SOX6: variants seen among roughly 807,000 people sequenced by gnomAD.
SOX6 encodes the protein SRY-box transcription factor 6.
In SOX6, 11 loss-of-function variants were observed where a neutral mutation model predicts 97.8. The ratio of observed to expected loss-of-function variants is 0.11; its 90% CI spans 0.07 to 0.19. The LOEUF (loss-of-function observed/expected upper bound fraction) is 0.19. Ranked by LOEUF, SOX6 falls within the 10% of genes least tolerant of loss-of-function variation. SOX6 has a pLI of 1.00. For missense variants in SOX6, 810 were observed against 1,039.5 expected, an observed-to-expected ratio of 0.78 and a Z score of 3.04; for synonymous variants, 360 against 371.4, an observed-to-expected ratio of 0.97 and a Z score of 0.35.
intron 2 of SOX6, among the ~76,000 whole-genome samples, chr11:16,717,390 G>C (rs1848226775): frequency 6.6e-6 from 1 of 151,946 alleles, no homozygotes; most frequent in African/African-American, 2.4e-5. Flanking sequence ...GACTCCATTA[G>C]AAAGAACTAG....
At chr11:16,130,961 C>T (rs1235693449) in intron 6 of SOX6, among the ~76,000 whole-genome samples, 1 of 151,768 alleles carries the variant, frequency 6.6e-6, no homozygotes, top group East Asian at 1.9e-4. Context: ...CAAAATTTAA[C>T]TCAAAATGCA....
At chr11:16,156,240 C>A (rs1363614219) in intron 6 of SOX6, among the ~76,000 whole-genome samples, 1 of 151,966 alleles carries the variant, frequency 6.6e-6, no homozygotes, top group East Asian at 1.9e-4. Context: ...TAATAAATAT[C>A]TCATGCTTGA....
intron 4 of SOX6, among the ~76,000 whole-genome samples, chr11:16,499,777 G>C (rs1391766439): frequency 1.3e-5 from 2 of 152,124 alleles, no homozygotes; most frequent in Non-Finnish European, 2.9e-5. Flanking sequence ...TTGAATCTCT[G>C]AATAGACCAA....
intron 1 of SOX6, among the ~76,000 whole-genome samples, chr11:16,459,155 T>C (rs2133104280): frequency 6.6e-6 from 1 of 152,034 alleles, no homozygotes; most frequent in South Asian, 2.1e-4. Flanking sequence ...TCATCAAAAG[T>C]GTAAAGCTTC....
intron 6 of SOX6, among the ~76,000 whole-genome samples, chr11:16,132,623 C>T (rs1031715658): frequency 2.0e-5 from 3 of 150,772 alleles, no homozygotes; most frequent in South Asian, 2.1e-4. Context: ...TCTACTTTAG[C>T]GTTAAACAGA....
intron 3 of SOX6, chr11:16,316,265 A>G (rs1855756173): frequency 6.6e-6 from 1 of 151,980 alleles, no homozygotes; most frequent in Admixed American, 6.6e-5. Flanking sequence ...CAGTTTGTCA[A>G]AACATTTTAA....
chr11:16,447,453 C>CTCTCTCTCTCTT lies in SOX6; in HGVS notation c.-5+28861_-5+28862insAAGAGAGAGAGA, dbSNP rs5789955. Reference sequence around the variant, plus strand: ...TCTCTCTCCTTCGATTTCTCTCTCTCTCTTTCTTTCTTTCTTTCTTTGTCT... The same window carrying CTCTCTCTCTCTT: ...TCTCTCTCCTTCGATTTCTCTCTCTCTCTCTCTCTCTTTCTTTCTTTCTTTCTTTCTTTGTCT... On this transcript the variant is annotated intron_variant, in intron 1 of 15. Coordinates refer to the SOX6 transcript ENST00000396356. Among the ~76,000 whole-genome samples, 617 of 150,888 alleles carry CTCTCTCTCTCTT rather than the reference C, an allele frequency of 4.1e-3. 3 individuals are homozygous for CTCTCTCTCTCTT. The highest frequency in any genetic ancestry group is 7.2e-3 in the Non-Finnish European group (485 of 67,644).
intron 9 of SOX6, among the ~76,000 whole-genome samples, chr11:16,066,613 G>T (rs1321014247): frequency 4.6e-5 from 7 of 152,152 alleles, no homozygotes; most frequent in African/African-American, 1.7e-4. Flanking sequence ...GATGGAACTG[G>T]AGGTCATTAT....
chr11:16,053,616 C>T (rs1399954549), intron 10 of SOX6, among the ~76,000 whole-genome samples: 2 of 152,082 alleles, frequency 1.3e-5, no homozygotes, highest in Non-Finnish European at 2.9e-5. Context: ...GGTGATATAG[C>T]TAGTAAAAGT....
At chr11:16,674,301 T>C (rs1847869861) in intron 3 of SOX6, among the ~76,000 whole-genome samples, 1 of 150,220 alleles carries the variant, frequency 6.7e-6, no homozygotes. Context: ...ACAAAAACCA[T>C]ATGATTATTT....
intron 9 of SOX6, among the ~76,000 whole-genome samples, chr11:16,085,246 G>A (rs993060793): frequency 6.6e-6 from 1 of 152,094 alleles, no homozygotes; most frequent in Non-Finnish European, 1.5e-5. Context: ...ACTCTGGAGG[G>A]CAATCCCAGT....
chr11:16,737,545 C>G (rs1024224848), intron 1 of SOX6, among the ~76,000 whole-genome samples: 4 of 151,650 alleles, frequency 2.6e-5, no homozygotes, highest in African/African-American at 9.7e-5. Context: ...CATTTGTATT[C>G]AAGGTGAGAA....
chr11:15,999,605 T>G (rs1428172674), intron 13 of SOX6, among the ~76,000 whole-genome samples: 1 of 152,156 alleles, frequency 6.6e-6, no homozygotes, highest in Non-Finnish European at 1.5e-5. Context: ...GCTCTTTTTT[T>G]TGAAAGGTTC....
chr11:16,378,144 A>G (rs915526655), intron 1 of SOX6, among the ~76,000 whole-genome samples: 5 of 152,208 alleles, frequency 3.3e-5, no homozygotes, highest in African/African-American at 4.8e-5. Context: ...AGTAAGTACT[A>G]AAACATTTAA....
At chr11:16,077,609 T>C (rs1848386071) in intron 9 of SOX6, among the ~76,000 whole-genome samples, 1 of 152,136 alleles carries the variant, frequency 6.6e-6, no homozygotes, top group African/African-American at 2.4e-5. Context: ...ATAGACACCA[T>C]GAAACACTAT....
chr11:16,531,878 T>A (rs1861241465), intron 4 of SOX6, among the ~76,000 whole-genome samples: 1 of 151,974 alleles, frequency 6.6e-6, no homozygotes, highest in African/African-American at 2.4e-5. Context: ...GAGTCTATTG[T>A]ATTTTGTTTC....
chr11:16,030,708 T>C (rs1398307765), intron 12 of SOX6, among the ~76,000 whole-genome samples: 1 of 152,192 alleles, frequency 6.6e-6, no homozygotes, highest in Non-Finnish European at 1.5e-5. Flanking sequence ...GCTAATTCTT[T>C]GAGCCAGAGA....
chr11:16,273,544 C>A (rs909161947), intron 3 of SOX6, among the ~76,000 whole-genome samples: 4 of 151,896 alleles, frequency 2.6e-5, no homozygotes, highest in African/African-American at 9.7e-5. Context: ...CATGTCACCT[C>A]AGCTGAGTTC....
rs556863284 is a variant in SOX6 at position 16,523,328 on chromosome 11, T to C, written n.610-46940A>G. Among the ~76,000 whole-genome samples the C allele has an allele frequency of 8.3e-3, 1,263 of 152,146 alleles. 21 individuals carry two copies. Among genetic ancestry groups the C allele is most frequent in the African/African-American group, 0.028 (1,148 of 41,480 alleles). ...AAACTAGAACTCAGGATTAAGAAAC[T>C]CACTCAAAACCGCTCAACTACATGG... is the stretch of plus-strand genomic sequence containing the variant. On this transcript the variant is annotated intron_variant and non_coding_transcript_variant, in intron 4 of 5. Coordinates refer to the SOX6 transcript ENST00000524520.
Sources: allele counts gnomAD v4.1 joint callset (sites outside exome capture counted in the v4.1 genomes callset), GRCh38; gene constraint gnomAD v4.1.1; transcripts MANE v1.5; gene names NCBI Gene and HGNC (gene_info 2026-07-23, HGNC 2026-07-21).